The following XRN2 variants were observed in gnomAD, a reference collection of about 807,000 sequenced individuals.
XRN2 encodes the protein DHM1-like protein.
XRN2 carries 44 observed loss-of-function variants against 138.5 expected under a neutral mutation model. The ratio of observed to expected loss-of-function variants is 0.32; its 90% confidence interval spans 0.25 to 0.41. The LOEUF (loss-of-function observed/expected upper bound fraction) is 0.41. Ranked by LOEUF, XRN2 falls within the 10% of genes least tolerant of loss-of-function variation. XRN2 has a pLI of 1.00. For synonymous variants in XRN2, 354 were observed against 369.4 expected (o/e 0.96, Z 0.48); for missense variants, 937 against 1,169.3 (o/e 0.80, Z 2.90).
chr20:21,327,953 T>A (rs534826755), intron 3 of XRN2, among the ~76,000 whole-genome samples: 1 of 152,338 alleles, frequency 6.6e-6, no homozygotes, highest in African/African-American at 2.4e-5. Flanking sequence ...TTGGTTAGAG[T>A]GATTTAAAAG....
intron 27 of XRN2, among the ~76,000 whole-genome samples, chr20:21,373,350 A>G (rs190102932): frequency 1.1e-4 from 17 of 152,320 alleles, no homozygotes; most frequent in African/African-American, 3.4e-4. Flanking sequence ...TCATAGGACT[A>G]TATCACCATT....
chr20:21,361,922 AATCC>A (rs1253642152), intron 24 of XRN2, among the ~76,000 whole-genome samples: 2 of 152,248 alleles, frequency 1.3e-5, no homozygotes, highest in African/African-American at 2.4e-5. Flanking sequence ...TTGGAAGCTT[AATCC>A]ATTTTAGGAG....
chr20:21,318,213 A>G (rs1294137011), intron 1 of XRN2, among the ~76,000 whole-genome samples: 3 of 152,132 alleles, frequency 2.0e-5, no homozygotes, highest in Admixed American at 6.5e-5. Flanking sequence ...GTGTATGACT[A>G]TTCATGGTAT....
intron 6 of XRN2, among the ~76,000 whole-genome samples, chr20:21,331,024 GCA>G (rs2038200230): frequency 1.3e-5 from 2 of 152,058 alleles, no homozygotes; most frequent in African/African-American, 4.8e-5. Flanking sequence ...TCAATATACA[GCA>G]AAATTAGTAA....
chr20:21,334,002 C>T lies in XRN2; in HGVS notation c.1125+8C>T. On this transcript the variant is annotated splice_region_variant and intron_variant, in intron 12 of 29. Coordinates refer to ENST00000377191, the MANE Select transcript of XRN2 (RefSeq NM_012255.5). ...GTGGTACACAAAACTGGGGTAAGTT[C>T]ATTCTTGAATGATTTCAAAACAGAA... The T allele has an allele frequency of 6.2e-7, 1 of 1,613,986 alleles. No individual in the cohort carries two copies. Among genetic ancestry groups the T allele is most frequent in the Non-Finnish European group, 8.5e-7 (1 of 1,179,976 alleles).
intron 4 of XRN2, among the ~76,000 whole-genome samples, chr20:21,329,011 G>C (rs2038166096): frequency 6.6e-6 from 1 of 152,132 alleles, no homozygotes; most frequent in Non-Finnish European, 1.5e-5. Flanking sequence ...ACTTTTCTCT[G>C]TGGCGGCTGT....
intron 14 of XRN2, among the ~76,000 whole-genome samples, chr20:21,339,604 T>C (rs1350830100): frequency 6.6e-6 from 1 of 152,216 alleles, no homozygotes; most frequent in African/African-American, 2.4e-5. Flanking sequence ...AAATACGCCA[T>C]ATCCCTGCTG....
In XRN2 at chr20:21,340,768, C is replaced by G; in HGVS notation, c.1326C>G (p.Ala442=). 6.2e-7 allele frequency: 1 copy of G among 1,613,906 alleles called. No individual in the cohort carries two copies. The highest frequency in any genetic ancestry group is 8.5e-7 in the Non-Finnish European group (1 of 1,179,890). Residue 442 remains alanine (A), a synonymous_variant, in exon 15 of 30, where the codon GCC becomes GCG. Transcript: ENST00000377191. Reference sequence around the variant, plus strand: ...CTAGTGGAATATTAACTCCTCATGCCTTGGGTTCAAGAAATTCACCAGGTT... The same window carrying G: ...CTAGTGGAATATTAACTCCTCATGCGTTGGGTTCAAGAAATTCACCAGGTT... ...FTPSGILTPH[A]LGSRNSPGSQ...
At position 21,375,010 on chromosome 20, in the gene XRN2, CTTTTTTT is replaced by C. The variant is rs34212552; in HGVS notation, c.2584+6439_2584+6445del. 2.5e-3 allele frequency among the ~76,000 whole-genome samples: 113 copies of C among 44,684 alleles called. 1 individual carries two copies. In the East Asian group the frequency reaches 0.04, roughly 16 times the overall value. The allele number at this position is 44,684 out of a possible 152,430, so 29.3% of individuals were successfully genotyped here. On this transcript the variant is annotated intron_variant, in intron 27 of 29. Transcript: ENST00000377191. ...ATTCTTATGTTGGTTTTGGTAAGTT[CTTTTTTT>C]TTTTTTTTTTTTTTTTTTGGTGGGA...
At chr20:21,312,602 ATTTT>A (rs375836250) in intron 1 of XRN2, among the ~76,000 whole-genome samples, 1 of 137,324 alleles carries the variant, frequency 7.3e-6, no homozygotes, top group African/African-American at 2.8e-5. Flanking sequence ...AAACCCCAAG[ATTTT>A]TTTTTTTTTT....
intron 22 of XRN2, among the ~76,000 whole-genome samples, 199 bp downstream of exon 22, chr20:21,356,376 A>C: frequency 6.6e-6 from 1 of 152,160 alleles, no homozygotes; most frequent in Admixed American, 6.5e-5. Flanking sequence ...CTTTTAAATA[A>C]TGTTAAATAA....
intron 1 of XRN2, among the ~76,000 whole-genome samples, chr20:21,320,295 G>T (rs202831): frequency 0.8 from 118,705 of 148,066 alleles, 48,642 homozygotes; most frequent in South Asian, 0.92. Context: ...ATTTATTTAT[G>T]TATTTATTTA....
chr20:21,333,749 G>A lies in XRN2; in HGVS notation c.979G>A (p.Asp327Asn). 2 of 1,614,124 alleles carry A rather than the reference G, an allele frequency of 1.2e-6. No individual in the cohort carries two copies. Among genetic ancestry groups the A allele is most frequent in the Non-Finnish European group, 1.7e-6 (2 of 1,180,002 alleles). Residue 327 changes from aspartate (D) to asparagine (N), a missense_variant, in exon 11 of 30, where the codon GAT becomes AAT. Coordinates refer to ENST00000377191, the MANE Select transcript of XRN2 (RefSeq NM_012255.5). The stretch of plus-strand genomic sequence containing the variant: ...AATGGCCAGCCTACCATTCACATTT[G>A]ATGTTGAGAGGAGCATTGATGACTG... Reference protein sequence around the residue: ...LTMASLPFTFDVERSIDDWVF... With the variant: ...LTMASLPFTFNVERSIDDWVF...
At chr20:21,359,473 C>G (rs998445655) in intron 24 of XRN2, among the ~76,000 whole-genome samples, 1 of 151,470 alleles carries the variant, frequency 6.6e-6, no homozygotes, top group Admixed American at 6.6e-5. Context: ...GAGGCCGAGG[C>G]CTCAGTGAGC....
intron 27 of XRN2, 59 bp downstream of exon 27, chr20:21,368,649 G>A: frequency 6.3e-7 from 1 of 1,593,328 alleles, no homozygotes; most frequent in Non-Finnish European, 8.5e-7. Context: ...GCAAATGTTG[G>A]TTTCTAATCT....
intron 20 of XRN2, among the ~76,000 whole-genome samples, chr20:21,351,850 C>A (rs1314333392): frequency 6.6e-6 from 1 of 152,118 alleles, no homozygotes; most frequent in Non-Finnish European, 1.5e-5. Flanking sequence ...CCATTCTTCC[C>A]CCCATTGAAT....
At chr20:21,303,835 C>G (rs1336673537) in intron 1 of XRN2, 1 of 1,033,814 alleles carries the variant, frequency 9.7e-7, no homozygotes, top group Non-Finnish European at 1.2e-6. Context: ...TGTTGTTGAG[C>G]AATGCATGCC....
At chr20:21,358,237 A>G (rs546266114) in intron 24 of XRN2, among the ~76,000 whole-genome samples, 3 of 152,246 alleles carry the variant, frequency 2.0e-5, no homozygotes, top group Non-Finnish European at 4.4e-5. Context: ...TTAAGATGAC[A>G]TAGAACAGAA....
intron 7 of XRN2, 30 bp downstream of exon 7, chr20:21,331,663 A>G (rs2038211475): frequency 1.9e-6 from 3 of 1,604,024 alleles, no homozygotes; most frequent in East Asian, 2.2e-5. Flanking sequence ...ATTTGATTAT[A>G]TGTTCTATTT....
Sources: allele counts gnomAD v4.1 joint callset (sites outside exome capture counted in the v4.1 genomes callset), GRCh38; gene constraint gnomAD v4.1.1; transcripts MANE v1.5; gene names NCBI Gene and HGNC (gene_info 2026-07-23, HGNC 2026-07-21).